WWTR1: variants seen among roughly 807,000 people sequenced by gnomAD.
The protein encoded by WWTR1 is WW domain containing transcription regulator 1.
Under a neutral mutation model 40.1 loss-of-function variants are expected in WWTR1, and 13 were observed. The ratio of observed to expected loss-of-function variants is 0.32; its 90% CI spans 0.21 to 0.52. The LOEUF is 0.52. WWTR1 is among the 20% of genes least tolerant of loss of function. The pLI is 0.97. For missense variants in WWTR1, 436 were observed against 523.1 expected (o/e 0.83, Z 1.63); for synonymous variants, 230 against 210.1 (o/e 1.09, Z -0.82).
intron 1 of WWTR1, among the ~76,000 whole-genome samples, chr3:149,695,076 G>A (rs1714941797): frequency 6.6e-6 from 1 of 152,188 alleles, no homozygotes; most frequent in Non-Finnish European, 1.5e-5. Flanking sequence ...AACTTTGCAT[G>A]TTCTCAATCA....
intron 1 of WWTR1, among the ~76,000 whole-genome samples, chr3:149,684,219 G>A (rs764520292): frequency 4.6e-5 from 7 of 151,740 alleles, no homozygotes; most frequent in South Asian, 2.1e-4. Context: ...ACAGGGTCTC[G>A]CTATGTTGCC....
intron 2 of WWTR1, among the ~76,000 whole-genome samples, chr3:149,648,283 T>G (rs1388931767): frequency 6.6e-6 from 1 of 152,112 alleles, no homozygotes; most frequent in East Asian, 1.9e-4. Flanking sequence ...AAGTTTACAA[T>G]GAAAATGGCT....
At chr3:149,567,275 C>A (rs73155008) in intron 3 of WWTR1, among the ~76,000 whole-genome samples, 16,856 of 152,014 alleles carry the variant, frequency 0.11, 1,050 homozygotes, top group Middle Eastern at 0.15. Context: ...TAAGTTGTTG[C>A]ATGTTTTCAG....
intron 4 of WWTR1, among the ~76,000 whole-genome samples, chr3:149,537,844 G>A (rs1024644638): frequency 6.6e-6 from 1 of 152,164 alleles, no homozygotes; most frequent in Non-Finnish European, 1.5e-5. Flanking sequence ...TAGTTTTGGG[G>A]GGAAGTCTGG....
At chr3:149,618,937 A>C (rs1740134196) in intron 2 of WWTR1, among the ~76,000 whole-genome samples, 1 of 152,108 alleles carries the variant, frequency 6.6e-6, no homozygotes, top group South Asian at 2.1e-4. Context: ...CAACCCATTG[A>C]CGTCTGTGAG....
At chr3:149,618,467 A>G (rs1269043626) in intron 2 of WWTR1, among the ~76,000 whole-genome samples, 2 of 152,218 alleles carry the variant, frequency 1.3e-5, no homozygotes, top group African/African-American at 2.4e-5. Flanking sequence ...GGCAGGCAAG[A>G]GGCTAGAGAG....
intron 2 of WWTR1, among the ~76,000 whole-genome samples, chr3:149,663,454 G>T (rs998543046): frequency 6.6e-6 from 1 of 152,072 alleles, no homozygotes; most frequent in East Asian, 1.9e-4. Flanking sequence ...CTAGCACTTT[G>T]GGAGGCCAAG....
intron 4 of WWTR1, among the ~76,000 whole-genome samples, chr3:149,535,585 A>G (rs1196760891): frequency 2.0e-5 from 3 of 152,094 alleles, no homozygotes; most frequent in Non-Finnish European, 4.4e-5. Flanking sequence ...TCTATGGTCT[A>G]TTTGTTGCTC....
At chr3:149,680,924 A>T (rs1249215932) in intron 1 of WWTR1, among the ~76,000 whole-genome samples, 1 of 152,226 alleles carries the variant, frequency 6.6e-6, no homozygotes, top group East Asian at 1.9e-4. Flanking sequence ...AACCAGTTAC[A>T]TACTTACAAA....
At chr3:149,720,129 C>T (rs1715721563) in intron 4 of WWTR1, among the ~76,000 whole-genome samples, 1 of 152,046 alleles carries the variant, frequency 6.6e-6, no homozygotes, top group Non-Finnish European at 1.5e-5. Context: ...TTCATGAAGT[C>T]CAATTTGTCT....
intron 2 of WWTR1, among the ~76,000 whole-genome samples, chr3:149,647,009 G>A (rs1393901890): frequency 1.3e-5 from 2 of 151,912 alleles, no homozygotes; most frequent in East Asian, 1.9e-4. Flanking sequence ...ATGTACAGAA[G>A]AGAAATGAAC....
At chr3:149,609,964 T>C (rs764108365) in intron 2 of WWTR1, among the ~76,000 whole-genome samples, 7 of 152,216 alleles carry the variant, frequency 4.6e-5, no homozygotes, top group African/African-American at 7.2e-5. Context: ...GGGTTCTGTG[T>C]CATTTTCCCC....
intron 2 of WWTR1, among the ~76,000 whole-genome samples, chr3:149,596,919 C>T (rs1739025512): frequency 6.6e-6 from 1 of 152,268 alleles, no homozygotes; most frequent in African/African-American, 2.4e-5. Flanking sequence ...TTGGTGCCTC[C>T]ATTTTCTACC....
intron 2 of WWTR1, among the ~76,000 whole-genome samples, chr3:149,625,758 T>G (rs1025500622): frequency 4.6e-5 from 7 of 151,280 alleles, no homozygotes; most frequent in Admixed American, 2.0e-4. Flanking sequence ...ACCACTGTAC[T>G]CCAGCCTGGG....
At chr3:149,651,835 T>A (rs1193011888) in intron 2 of WWTR1, among the ~76,000 whole-genome samples, 1 of 147,096 alleles carries the variant, frequency 6.8e-6, no homozygotes, top group African/African-American at 2.5e-5. Flanking sequence ...TTTTCTTTTT[T>A]TTTTTTTTTT....
chr3:149,576,036 C>T (rs1033704778), intron 2 of WWTR1: 3 of 456,614 alleles, frequency 6.6e-6, no homozygotes, highest in African/African-American at 6.0e-5. Flanking sequence ...TCACTCACAG[C>T]ATTCCCCAAA....
At chr3:149,627,921 A>G (rs1740648059) in intron 2 of WWTR1, among the ~76,000 whole-genome samples, 1 of 152,004 alleles carries the variant, frequency 6.6e-6, no homozygotes. Context: ...TAAAAAAGCA[A>G]AATTAGCCAG....
chr3:149,708,393 T>G (rs1258766602), intron 5 of WWTR1, among the ~76,000 whole-genome samples: 2 of 152,188 alleles, frequency 1.3e-5, no homozygotes, highest in Non-Finnish European at 2.9e-5. Flanking sequence ...TACATTCACG[T>G]TGTACAACCA....
intron 2 of WWTR1, among the ~76,000 whole-genome samples, chr3:149,664,547 AAG>A (rs1713722670): frequency 1.3e-5 from 2 of 152,064 alleles, no homozygotes; most frequent in South Asian, 4.1e-4. Context: ...GCATGATGAT[AAG>A]GAAGATAATT....
Sources: allele counts gnomAD v4.1 joint callset (sites outside exome capture counted in the v4.1 genomes callset), GRCh38; gene constraint gnomAD v4.1.1; transcripts MANE v1.5; gene names NCBI Gene and HGNC (gene_info 2026-07-23, HGNC 2026-07-21).